ATP2B3: variants seen among roughly 807,000 people sequenced by gnomAD.
ATP2B3 encodes the protein ATPase plasma membrane Ca2+ transporting 3.
Under a neutral mutation model 70.8 loss-of-function variants are expected in ATP2B3, and 12 were observed. That is an observed-to-expected ratio of 0.17 (90% confidence interval 0.11 to 0.27). The LOEUF is 0.27. Ranked by LOEUF, ATP2B3 falls within the 10% of genes least tolerant of loss-of-function variation. The pLI is 1.00. For synonymous variants in ATP2B3, 460 were observed against 497.8 expected (o/e 0.92, Z 1.01); for missense variants, 858 against 1,118.5 (o/e 0.77, Z 3.32).
rs2090137195 is a variant in ATP2B3, at chrX:153,532,837, G to A, written c.-126-3285G>A. On this transcript the variant is annotated intron_variant, in intron 2 of 21. Coordinates refer to ENST00000263519, the MANE Select transcript of ATP2B3 (RefSeq NM_001001344.3). Reference sequence around the variant, plus strand: ...AGTCACTTCGGTTCTTGGCCATCTCGGCGATGGCTGCTGTCTTTATTGGGC... The same window carrying A: ...AGTCACTTCGGTTCTTGGCCATCTCAGCGATGGCTGCTGTCTTTATTGGGC... The A allele has an allele frequency of 2.7e-5, 3 of 112,001 alleles. No homozygotes were observed. In the Admixed American group the frequency reaches 2.8e-4, roughly 10 times the overall value. The allele number at this position is 112,001 out of a possible 1,213,427, so 9.2% of individuals were successfully genotyped here.
intron 2 of ATP2B3, among the ~76,000 whole-genome samples, chrX:153,521,202 C>T (rs920967297): frequency 8.0e-5 from 9 of 113,081 alleles, no homozygotes; most frequent in Non-Finnish European, 1.3e-4. Context: ...CTCCCTTCCC[C>T]ACCCTGGCTA....
intron 9 of ATP2B3, 148 bp downstream of exon 9, chrX:153,548,147 G>A: frequency 2.5e-6 from 2 of 789,303 alleles, no homozygotes; most frequent in Non-Finnish European, 3.5e-6. Context: ...CACAGGCCAG[G>A]CCGGCAGTGG....
chrX:153,548,662 C>T lies in ATP2B3; in HGVS notation c.1146C>T (p.Thr382=), dbSNP rs186942321. 80 of 1,208,688 alleles carry T rather than the reference C, an allele frequency of 6.6e-5. No individual in the cohort carries two copies. Among genetic ancestry groups the T allele is most frequent in the African/African-American group, 6.5e-4 (37 of 56,905 alleles). The change falls in exon 10 of 22, where the codon ACC becomes ACT. Residue 382 remains threonine (T), a synonymous_variant. Transcript: ENST00000263519. Reference sequence around the variant, plus strand: ...CAGGGCTGGTGATGTCTGCCATCACCGTCATCATCCTGGTCCTCTACTTTG... The same window carrying T: ...CAGGGCTGGTGATGTCTGCCATCACTGTCATCATCCTGGTCCTCTACTTTG... ...GKAGLVMSAI[T]VIILVLYFVI...
At position 153,582,222 on chromosome X, in the gene ATP2B3, T is replaced by A. The variant is rs2124562940; in HGVS notation, c.*1924T>A. The stretch of plus-strand genomic sequence containing the variant: ...ACCCCTGAGCAGAAGCAGTCAAATC[T>A]TGGGCAAAAGAATTTCGGTTAGAAA... On this transcript the variant is annotated 3_prime_UTR_variant, in exon 22 of 22. Coordinates refer to ENST00000263519, the MANE Select transcript of ATP2B3 (RefSeq NM_001001344.3). 8.9e-6 allele frequency: 1 copy of A among 112,928 alleles called. No individual in the cohort carries two copies. The highest frequency in any genetic ancestry group is 3.6e-4 in the South Asian group (1 of 2,740). 9.3% of individuals were successfully genotyped at this position (112,928 alleles called of 1,213,427 possible). A position where few individuals can be genotyped will look rare whatever the true frequency, so the allele number is the denominator to read the frequency against.
chrX:153,519,070 C>T (rs139718840), intron 2 of ATP2B3, among the ~76,000 whole-genome samples: 1,692 of 111,957 alleles, frequency 0.015, 26 homozygotes, highest in East Asian at 0.11. Flanking sequence ...CACCCCCTGC[C>T]ATTGCCCCTC....
chrX:153,562,230 G>T lies in ATP2B3; in HGVS notation c.3147G>T (p.Leu1049=), dbSNP rs782295021. 1 of 1,209,857 alleles carries T rather than the reference G, an allele frequency of 8.3e-7. No individual in the cohort carries two copies. The highest frequency in any genetic ancestry group is 2.2e-5 in the Admixed American group (1 of 46,046). Residue 1049 remains leucine (L), a synonymous_variant, in exon 20 of 22, where the codon CTG becomes CTT. Coordinates refer to ENST00000263519, the MANE Select transcript of ATP2B3 (RefSeq NM_001001344.3). The part of the protein sequence containing the change: ...LWCLFVGVGE[L]VWGQVIATIP... The stretch of plus-strand genomic sequence containing the variant: ...GCCTGTTTGTTGGTGTTGGGGAGCT[G>T]GTCTGGGGACAGGTGAGTGACAGCC...
intron 20 of ATP2B3, among the ~76,000 whole-genome samples, chrX:153,563,118 A>G (rs1156749330): frequency 3.0e-5 from 3 of 100,124 alleles, no homozygotes; most frequent in African/African-American, 7.3e-5. Context: ...AGTTCAGTCC[A>G]TAGCATTCTG....
intron 2 of ATP2B3, among the ~76,000 whole-genome samples, chrX:153,531,247 T>TC (rs1272622797): frequency 3.1e-4 from 35 of 112,967 alleles, no homozygotes; most frequent in Non-Finnish European, 9.4e-5. Context: ...CTGGGCGCCC[T>TC]CCTTCCGTGC....
intron 3 of ATP2B3, among the ~76,000 whole-genome samples, chrX:153,540,454 C>T (rs1163622485): frequency 8.9e-6 from 1 of 112,172 alleles, no homozygotes; most frequent in Admixed American, 9.4e-5. Context: ...GACCCAAGAA[C>T]TTGCATCTCC....
Position 153,550,380 on chromosome X carries a change from A to G in ATP2B3, c.1823+94A>G, listed in dbSNP as rs782024155. On this transcript the variant is annotated intron_variant, in intron 12 of 21. Coordinates refer to ENST00000263519, the MANE Select transcript of ATP2B3 (RefSeq NM_001001344.3). ...GCCGAACGTAAAATTCACCATTTCA[A>G]CCACTTTACAGTGTACAGTTGAATG... 70 of 1,143,876 alleles carry G rather than the reference A, an allele frequency of 6.1e-5. No homozygotes were observed. In the African/African-American group the frequency reaches 1.2e-3, roughly 19 times the overall value. 94.3% of individuals were successfully genotyped at this position (1,143,876 alleles called of 1,213,427 possible). A position where few individuals can be genotyped will look rare whatever the true frequency, so the allele number is the denominator to read the frequency against.
chrX:153,564,165 C>T (rs368899944), intron 20 of ATP2B3, among the ~76,000 whole-genome samples: 2 of 113,068 alleles, frequency 1.8e-5, no homozygotes, highest in African/African-American at 6.4e-5. Context: ...GGCTGGTGTT[C>T]CTCCAGGAGA....
At chrX:153,532,701 G>A (rs1471872675) in intron 2 of ATP2B3, among the ~76,000 whole-genome samples, 4 of 112,190 alleles carry the variant, frequency 3.6e-5, no homozygotes, top group African/African-American at 1.3e-4. Flanking sequence ...AGGTCAGAAA[G>A]ATGAAAGAGC....
chrX:153,571,823 G>A (rs1359307206), intron 21 of ATP2B3, among the ~76,000 whole-genome samples: 1 of 112,566 alleles, frequency 8.9e-6, no homozygotes, highest in Non-Finnish European at 1.9e-5. Flanking sequence ...AAGGTGGGTG[G>A]CAGGGCCCTC....
intron 2 of ATP2B3, among the ~76,000 whole-genome samples, chrX:153,522,788 C>T (rs1431110198): frequency 8.9e-6 from 1 of 112,099 alleles, no homozygotes; most frequent in Non-Finnish European, 1.9e-5. Flanking sequence ...CCTAGCACAC[C>T]CAGCATGGGG....
chrX:153,573,225 C>A (rs1271498566), intron 21 of ATP2B3, among the ~76,000 whole-genome samples: 1 of 112,281 alleles, frequency 8.9e-6, no homozygotes, highest in African/African-American at 3.2e-5. Flanking sequence ...TTGGCTTTGG[C>A]AACATGAAAA....
In ATP2B3 at chrX:153,543,343, C is replaced by A. The variant is rs782039688; in HGVS notation, c.916+175C>A. ...AGACTCCTCTTCTGAGGATATCCCC[C>A]CTGAGAGCCGGCAGGCCAAGGGCCC... On this transcript the variant is annotated intron_variant, in intron 7 of 21. Coordinates refer to ENST00000263519, the MANE Select transcript of ATP2B3 (RefSeq NM_001001344.3). Among the ~76,000 whole-genome samples, 19 of 112,497 alleles carry A rather than the reference C, an allele frequency of 1.7e-4. 1 individual carries two copies. The East Asian group carries it at 2.3e-3, about 13-fold the overall frequency.
Position 153,560,660 on chromosome X carries a change from G to A in ATP2B3, c.2840-16G>A. ...GCTGAGATGACTGTGCCTGAGTGGG[G>A]AATGTTGCTTTCCAGGGGAGCTCTT... On this transcript the variant is annotated splice_polypyrimidine_tract_variant and intron_variant, in intron 18 of 21. Transcript: ENST00000263519. The A allele has an allele frequency of 1.7e-6, 2 of 1,210,595 alleles. No individual in the cohort carries two copies. The highest frequency in any genetic ancestry group is 1.1e-6 in the Non-Finnish European group (1 of 894,432).
chrX:153,543,752 C>T (rs1303653434), intron 7 of ATP2B3, among the ~76,000 whole-genome samples: 2 of 113,321 alleles, frequency 1.8e-5, no homozygotes, highest in Non-Finnish European at 3.8e-5. Flanking sequence ...GAGTACTATT[C>T]AGGGAGGCCC....
chrX:153,556,800 G>A (rs1033847613), intron 15 of ATP2B3, 117 bp from the exon 16 acceptor site: 57 of 693,535 alleles, frequency 8.2e-5, no homozygotes, highest in Non-Finnish European at 9.7e-5. Flanking sequence ...CAGTCAGGAC[G>A]GGGTAATCCC....
Sources: allele counts gnomAD v4.1 joint callset (sites outside exome capture counted in the v4.1 genomes callset), GRCh38; gene constraint gnomAD v4.1.1; transcripts MANE v1.5; gene names NCBI Gene and HGNC (gene_info 2026-07-23, HGNC 2026-07-21).